Variants in PRKD3 observed in about 807,000 individuals in gnomAD.
The protein encoded by PRKD3 is serine/threonine-protein kinase D3.
A neutral mutation model predicts 99.2 loss-of-function variants in PRKD3; 47 were observed. The ratio of observed to expected loss-of-function variants is 0.47; its 90% CI spans 0.38 to 0.60. The LOEUF (loss-of-function observed/expected upper bound fraction) is 0.60, where lower values mean the gene tolerates loss of function less well. Among genes scored for constraint, PRKD3 ranks in the 20% least tolerant of loss-of-function variants. The pLI is 0.00. For synonymous variants in PRKD3, 392 were observed against 355.4 expected (o/e 1.10, Z -1.16); for missense variants, 1,019 against 1,088.4 (o/e 0.94, Z 0.90).
At chr2:37,311,112 G>A (rs75481057) in intron 2 of PRKD3, among the ~76,000 whole-genome samples, 2,407 of 152,268 alleles carry the variant, frequency 0.016, 60 homozygotes, top group African/African-American at 0.054. Flanking sequence ...TCACAGACTA[G>A]TGAGGATGTT....
At chr2:37,309,730 C>T (rs1361073215) in intron 2 of PRKD3, among the ~76,000 whole-genome samples, 2 of 151,844 alleles carry the variant, frequency 1.3e-5, no homozygotes, top group African/African-American at 4.8e-5. Context: ...TGCCTATAAT[C>T]CCAGCTACTC....
At chr2:37,291,028 C>T (rs775366805) in intron 3 of PRKD3, 29 bp from the exon 4 acceptor site, 11 of 1,573,400 alleles carry the variant, frequency 7.0e-6, no homozygotes, top group African/African-American at 5.4e-5. Context: ...TTACAATACA[C>T]GTTGTATTTG....
At chr2:37,308,299 C>T (rs1387307708) in intron 2 of PRKD3, among the ~76,000 whole-genome samples, 1 of 152,092 alleles carries the variant, frequency 6.6e-6, no homozygotes, top group Non-Finnish European at 1.5e-5. Flanking sequence ...CTGATCTTTT[C>T]ATGTTTTCTT....
At chr2:37,315,359 A>T (rs1671612960) in intron 2 of PRKD3, among the ~76,000 whole-genome samples, 1 of 152,172 alleles carries the variant, frequency 6.6e-6, no homozygotes, top group East Asian at 1.9e-4. Flanking sequence ...ACCACCCTGA[A>T]TTTTCAAATA....
chr2:37,282,980 A>AT (rs1669923094), intron 6 of PRKD3, among the ~76,000 whole-genome samples: 1 of 152,228 alleles, frequency 6.6e-6, no homozygotes, highest in Non-Finnish European at 1.5e-5. Flanking sequence ...GACCTAATGT[A>AT]TATGCAGGAA....
At chr2:37,256,586 T>C (rs536296020) in intron 17 of PRKD3, 76 bp downstream of exon 17, 2 of 1,411,124 alleles carry the variant, frequency 1.4e-6, no homozygotes, top group Non-Finnish European at 1.9e-6. Context: ...ACAGACTGAT[T>C]TGGGATGAGA....
chr2:37,288,838 G>A (rs759335355), intron 5 of PRKD3, among the ~76,000 whole-genome samples: 2 of 152,142 alleles, frequency 1.3e-5, no homozygotes, highest in African/African-American at 2.4e-5. Flanking sequence ...GGCAGATCAC[G>A]AGGTCAGGAA....
At chr2:37,322,072 T>C (rs1260402601) in intron 1 of PRKD3, among the ~76,000 whole-genome samples, 4 of 152,220 alleles carry the variant, frequency 2.6e-5, no homozygotes, top group Non-Finnish European at 5.9e-5. Flanking sequence ...GAAATGCTAA[T>C]GACGTGGAGG....
At position 37,279,852 on chromosome 2, in the gene PRKD3, C is replaced by G; in HGVS notation, c.1066G>C (p.Gly356Arg). Reference sequence around the variant, plus strand: ...GATGGCTCTTCTGTGTCATCCAAACCCCGACTACTATCACTATTTATGTCA... The same window carrying G: ...GATGGCTCTTCTGTGTCATCCAAACGCCGACTACTATCACTATTTATGTCA... ...NNDINSDSSR[G>R]LDDTEEPSPP... is the part of the protein sequence containing the mutation. The change falls in exon 8 of 19, where the codon GGT becomes CGT. Residue 356 changes from glycine (G) to arginine (R), a missense_variant. By Grantham distance (125) the Gly-to-Arg change is moderately radical (BLOSUM62 -2). Coordinates refer to ENST00000234179, the MANE Select transcript of PRKD3 (RefSeq NM_005813.6). The G allele has an allele frequency of 6.2e-7, 1 of 1,613,066 alleles. No homozygotes were observed. The highest frequency in any genetic ancestry group is 1.1e-5 in the South Asian group (1 of 91,038).
At chr2:37,256,211 G>A (rs1380960829) in intron 17 of PRKD3, among the ~76,000 whole-genome samples, 1 of 152,144 alleles carries the variant, frequency 6.6e-6, no homozygotes, top group Non-Finnish European at 1.5e-5. Context: ...AAACAACTAG[G>A]TTTGTGTAGG....
At chr2:37,273,553 A>T (rs1669414848) in intron 11 of PRKD3, among the ~76,000 whole-genome samples, 1 of 152,142 alleles carries the variant, frequency 6.6e-6, no homozygotes, top group Non-Finnish European at 1.5e-5. Flanking sequence ...TCACTTTTGC[A>T]CTGTACTGCT....
chr2:37,266,489 C>CTTT, intron 14 of PRKD3, among the ~76,000 whole-genome samples: 1 of 129,864 alleles, frequency 7.7e-6, no homozygotes, highest in East Asian at 2.2e-4. Flanking sequence ...CCACACCCGG[C>CTTT]TTTTTTTTTT....
At chr2:37,311,375 T>C (rs1361198367) in intron 2 of PRKD3, among the ~76,000 whole-genome samples, 1 of 152,228 alleles carries the variant, frequency 6.6e-6, no homozygotes, top group Non-Finnish European at 1.5e-5. Flanking sequence ...CATCTTCTTT[T>C]CTAGAGCATA....
Position 37,298,593 on chromosome 2 carries a change from A to G in PRKD3, c.289-5322T>C, listed in dbSNP as rs1670776032. Among the ~76,000 whole-genome samples, 4 of 151,922 alleles carry G rather than the reference A, an allele frequency of 2.6e-5. No homozygotes were observed. In the South Asian group the frequency reaches 8.3e-4, roughly 32 times the overall value. ...TACAAAGAACTCAGTGTCCTTTTCA[A>G]TTTTTTTCATCAATGTTTTATAGTT... On this transcript the variant is annotated intron_variant, in intron 2 of 18. Transcript: ENST00000234179.
chr2:37,273,240 G>T (rs544904888), intron 11 of PRKD3, among the ~76,000 whole-genome samples: 2 of 151,906 alleles, frequency 1.3e-5, no homozygotes, highest in South Asian at 4.2e-4. Flanking sequence ...GTTTTCTGAG[G>T]AAACAGTCCT....
At chr2:37,321,903 G>A (rs1381434488) in intron 1 of PRKD3, among the ~76,000 whole-genome samples, 1 of 152,194 alleles carries the variant, frequency 6.6e-6, no homozygotes, top group Non-Finnish European at 1.5e-5. Flanking sequence ...TCAAAAAGAA[G>A]TTCATTATTT....
rs1449554884 is a variant in PRKD3, at chr2:37,274,673, G to A, written c.1399C>T (p.Arg467Cys). The A allele has an allele frequency of 1.4e-5, 22 of 1,612,904 alleles. No homozygotes were observed. Among genetic ancestry groups the A allele is most frequent in the Middle Eastern group, 1.6e-4 (1 of 6,080 alleles). ...YKEIPLSEIL[R>C]ISSPRDFTNI... is the part of the protein sequence containing the mutation. ...GTGAAATCTCGTGGTGAAGATATGC[G>A]GAGAATTTCTGAAAGTGGAATTTCC... Residue 467 changes from arginine (R) to cysteine (C), a missense_variant, in exon 11 of 19, where the codon CGC (arginine) becomes TGC (cysteine). Physicochemically the swap from Arg to Cys is radical, Grantham distance 180. This residue lies in a region of PRKD3 where 710 missense variants were observed against 692.7 expected (regional missense o/e 1.02). Coordinates refer to ENST00000234179, the MANE Select transcript of PRKD3 (RefSeq NM_005813.6).
chr2:37,290,654 T>G lies in PRKD3; in HGVS notation c.559+214A>C, dbSNP rs370332634. 1.9e-4 allele frequency among the ~76,000 whole-genome samples: 29 copies of G among 152,356 alleles called. No individual in the cohort carries two copies. The East Asian group carries it at 4.0e-3, about 21-fold the overall frequency. On this transcript the variant is annotated intron_variant, in intron 4 of 18. Coordinates refer to ENST00000234179, the MANE Select transcript of PRKD3 (RefSeq NM_005813.6). ...TCTTTATGAAACCAGTGGGGCAGAA[T>G]GTATTTTACGAGAAATTAATCTTAA...
At chr2:37,291,753 G>A (rs1017899756) in intron 3 of PRKD3, among the ~76,000 whole-genome samples, 12 of 152,272 alleles carry the variant, frequency 7.9e-5, no homozygotes, top group African/African-American at 2.6e-4. Context: ...GGACTAATAA[G>A]GACAGAGAGG....
Sources: gnomAD v4.1 joint callset for allele counts (sites outside exome capture counted in the v4.1 genomes callset) on GRCh38, gnomAD v4.1.1 for gene constraint, gnomAD v4.1.1 regional missense constraint, MANE v1.5 for transcripts, NCBI Gene and HGNC (gene_info 2026-07-23, HGNC 2026-07-21) for gene names.